The following RAD51B variants were observed in gnomAD, a reference collection of about 807,000 sequenced individuals.
RAD51B encodes the protein DNA repair protein RAD51 homolog 2.
Under a neutral mutation model 42.2 loss-of-function variants are expected in RAD51B, and 38 were observed. The observed-to-expected ratio is 0.90, with a 90% CI of 0.70 to 1.18. The LOEUF (loss-of-function observed/expected upper bound fraction) is 1.18. Among genes scored for constraint, RAD51B ranks in the 50% most tolerant of loss-of-function variants. The probability of loss-of-function intolerance (pLI) is 0.00; values close to 1 mark genes in which losing one functional copy is unlikely to be tolerated. For missense variants in RAD51B, 373 were observed against 400.7 expected, an observed-to-expected ratio of 0.93 and a Z score of 0.59; for synonymous variants, 154 against 145.2, an observed-to-expected ratio of 1.06 and a Z score of -0.43.
intron 8 of RAD51B, chr14:68,339,377 G>A: frequency 9.9e-7 from 1 of 1,012,690 alleles, no homozygotes; most frequent in Non-Finnish European, 1.5e-6. Flanking sequence ...CAAAGCGGGT[G>A]AGGTCTCTTT....
intron 7 of RAD51B, among the ~76,000 whole-genome samples, chr14:68,144,630 A>G (rs147168438): frequency 8.5e-5 from 13 of 152,310 alleles, no homozygotes; most frequent in African/African-American, 3.1e-4. Flanking sequence ...ATCTTGCCCT[A>G]TACCTGGCAG....
At chr14:68,438,031 G>A (rs147774790) in intron 9 of RAD51B, among the ~76,000 whole-genome samples, 12 of 152,216 alleles carry the variant, frequency 7.9e-5, no homozygotes, top group African/African-American at 2.4e-4. Flanking sequence ...AGTAGGGATC[G>A]GGGAGGATGG....
intron 7 of RAD51B, among the ~76,000 whole-genome samples, chr14:68,007,809 T>C (rs1253993369): frequency 1.3e-5 from 2 of 151,902 alleles, no homozygotes; most frequent in African/African-American, 4.8e-5. Context: ...TCCTTTATGT[T>C]AATGAGAGTA....
intron 7 of RAD51B, among the ~76,000 whole-genome samples, chr14:67,936,173 G>T (rs1421355179): frequency 6.6e-6 from 1 of 151,990 alleles, no homozygotes; most frequent in African/African-American, 2.4e-5. Context: ...ATTGTGCAAC[G>T]ATCACCACAG....
At chr14:68,020,210 A>C (rs998861985) in intron 7 of RAD51B, among the ~76,000 whole-genome samples, 1 of 152,124 alleles carries the variant, frequency 6.6e-6, no homozygotes, top group Non-Finnish European at 1.5e-5. Context: ...CCTGGGCTCA[A>C]GCAATCCTCC....
intron 10 of RAD51B, among the ~76,000 whole-genome samples, chr14:68,619,516 A>G (rs1375277723): frequency 6.6e-6 from 1 of 152,124 alleles, no homozygotes; most frequent in East Asian, 1.9e-4. Flanking sequence ...TAAAGAAGGA[A>G]AAGTCATGAG....
At chr14:68,226,989 A>C (rs2080051770) in intron 7 of RAD51B, among the ~76,000 whole-genome samples, 1 of 152,250 alleles carries the variant, frequency 6.6e-6, no homozygotes, top group African/African-American at 2.4e-5. Context: ...TGTTAGGTAC[A>C]GAATGGAACT....
chr14:68,203,773 CA>C (rs1371783039), intron 7 of RAD51B, among the ~76,000 whole-genome samples: 2 of 152,252 alleles, frequency 1.3e-5, no homozygotes, highest in Admixed American at 1.3e-4. Context: ...ACTTCTACAT[CA>C]GCACTTGCTG....
At chr14:67,967,930 T>C (rs2074816780) in intron 7 of RAD51B, among the ~76,000 whole-genome samples, 1 of 152,202 alleles carries the variant, frequency 6.6e-6, no homozygotes, top group Non-Finnish European at 1.5e-5. Flanking sequence ...GCAGAGATTC[T>C]CCGTGAGGGC....
intron 7 of RAD51B, among the ~76,000 whole-genome samples, chr14:67,984,329 G>A (rs1254446155): frequency 6.6e-6 from 1 of 152,114 alleles, no homozygotes; most frequent in Non-Finnish European, 1.5e-5. Context: ...CTGTCTTTCT[G>A]AATTAATTCT....
At chr14:68,633,371 T>G (rs2032808251) in intron 10 of RAD51B, among the ~76,000 whole-genome samples, 1 of 152,068 alleles carries the variant, frequency 6.6e-6, no homozygotes, top group South Asian at 2.1e-4. Flanking sequence ...ATTTTTTATG[T>G]GATTTCTTAA....
intron 8 of RAD51B, among the ~76,000 whole-genome samples, chr14:68,298,925 AT>A (rs1473994128): frequency 2.6e-5 from 4 of 152,158 alleles, no homozygotes; most frequent in African/African-American, 9.7e-5. Context: ...TTCAGAATGC[AT>A]TTGCGATGTT....
intron 9 of RAD51B, among the ~76,000 whole-genome samples, chr14:68,452,593 A>G (rs1004231384): frequency 2.6e-5 from 4 of 152,182 alleles, no homozygotes; most frequent in African/African-American, 9.7e-5. Flanking sequence ...GCACTCTCAC[A>G]TGGACAGCAA....
At chr14:68,338,505 G>A (rs1467662711) in intron 8 of RAD51B, among the ~76,000 whole-genome samples, 2 of 152,184 alleles carry the variant, frequency 1.3e-5, no homozygotes, top group South Asian at 2.1e-4. Context: ...TCCTGAGAGA[G>A]GATCTGATCA....
At chr14:67,995,745 G>T (rs1210492514) in intron 7 of RAD51B, among the ~76,000 whole-genome samples, 1 of 151,646 alleles carries the variant, frequency 6.6e-6, no homozygotes, top group Non-Finnish European at 1.5e-5. Context: ...AGCCTTCCGA[G>T]TAGCTGGGAC....
Position 68,538,859 on chromosome 14 carries a change from T to C in RAD51B, c.1037-55626T>C, listed in dbSNP as rs77083945. Among the ~76,000 whole-genome samples, 1,105 of 152,308 alleles carry C rather than the reference T, an allele frequency of 7.3e-3. 9 individuals are homozygous for C. Among genetic ancestry groups the C allele is most frequent in the African/African-American group, 0.026 (1,078 of 41,562 alleles). ...CCACAGTTCCCACCTGTTTCCCTTCTCTCATTTCGGTAACCTCTGATCTCT... is the reference window on the plus strand; with the variant it reads ...CCACAGTTCCCACCTGTTTCCCTTCCCTCATTTCGGTAACCTCTGATCTCT... On this transcript the variant is annotated intron_variant, in intron 10 of 10. Transcript: ENST00000487270.
At chr14:68,654,626 G>T (rs1892771673) in intron 11 of RAD51B, among the ~76,000 whole-genome samples, 1 of 152,144 alleles carries the variant, frequency 6.6e-6, no homozygotes, top group African/African-American at 2.4e-5. Flanking sequence ...GACCCCCGTG[G>T]GTGCTTGGCA....
chr14:68,259,759 C>G (rs1014007739), intron 7 of RAD51B, among the ~76,000 whole-genome samples: 2 of 152,156 alleles, frequency 1.3e-5, no homozygotes, highest in African/African-American at 4.8e-5. Context: ...TTTTCTAGTG[C>G]TTAGGTAGCA....
At chr14:67,903,212 CT>C in intron 7 of RAD51B, among the ~76,000 whole-genome samples, 1 of 152,268 alleles carries the variant, frequency 6.6e-6, no homozygotes, top group East Asian at 1.9e-4. Flanking sequence ...TGTCAGGAAT[CT>C]GCAAAGCTTA....
Sources: gnomAD v4.1 joint callset for allele counts (sites outside exome capture counted in the v4.1 genomes callset) on GRCh38, gnomAD v4.1.1 for gene constraint, MANE v1.5 for transcripts, NCBI Gene and HGNC (gene_info 2026-07-23, HGNC 2026-07-21) for gene names.